Variants in DIAPH3 observed in about 807,000 individuals in gnomAD.
The protein encoded by DIAPH3 is protein diaphanous homolog 3.
A neutral mutation model predicts 144.3 loss-of-function variants in DIAPH3; 117 were observed. The ratio of observed to expected loss-of-function variants is 0.81; its 90% CI spans 0.70 to 0.95. The LOEUF is 0.95. Among genes scored for constraint, DIAPH3 ranks in the 40% least tolerant of loss-of-function variants. DIAPH3 has a pLI of 0.00. For synonymous variants in DIAPH3, 519 were observed against 488.9 expected (o/e 1.06, Z -0.81); for missense variants, 1,421 against 1,412.7 (o/e 1.01, Z -0.09).
intron 7 of DIAPH3, among the ~76,000 whole-genome samples, chr13:60,014,697 C>T (rs2053509793): frequency 6.6e-6 from 1 of 151,932 alleles, no homozygotes; most frequent in Admixed American, 6.6e-5. Flanking sequence ...TAAAATTAAT[C>T]AGAAATATAC....
intron 27 of DIAPH3, among the ~76,000 whole-genome samples, chr13:59,712,241 C>CTG (rs1487213498): frequency 6.6e-6 from 1 of 152,202 alleles, no homozygotes. Flanking sequence ...TGGCAATATC[C>CTG]TGAACAACCT....
chr13:59,974,532 C>T, intron 14 of DIAPH3, 76 bp from the exon 15 acceptor site: 1 of 1,186,632 alleles, frequency 8.4e-7, no homozygotes, highest in Non-Finnish European at 1.2e-6. Flanking sequence ...AGAAATGTGA[C>T]TCGAATGATC....
At chr13:59,908,147 G>A (rs1375125094) in intron 20 of DIAPH3, among the ~76,000 whole-genome samples, 2 of 151,934 alleles carry the variant, frequency 1.3e-5, no homozygotes, top group Non-Finnish European at 2.9e-5. Context: ...GAGGTGGGCA[G>A]ATCACAAGGT....
At chr13:59,729,945 T>C (rs1167489791) in intron 27 of DIAPH3, among the ~76,000 whole-genome samples, 1 of 151,684 alleles carries the variant, frequency 6.6e-6, no homozygotes, top group Non-Finnish European at 1.5e-5. Flanking sequence ...TTGAAATTTA[T>C]ACAAAATACT....
At chr13:60,016,313 G>A (rs2053644716) in intron 5 of DIAPH3, among the ~76,000 whole-genome samples, 168 bp from the exon 6 acceptor site, 1 of 152,158 alleles carries the variant, frequency 6.6e-6, no homozygotes, top group South Asian at 2.1e-4. Context: ...TGTGAAAGAA[G>A]CAAAGATGGA....
At chr13:59,984,461 C>T (rs1242355205) in intron 12 of DIAPH3, among the ~76,000 whole-genome samples, 3 of 151,670 alleles carry the variant, frequency 2.0e-5, no homozygotes, top group Non-Finnish European at 4.4e-5. Context: ...TTAACTAAAA[C>T]CTCCAAGTAG....
At chr13:59,808,912 T>C (rs1240253989) in intron 25 of DIAPH3, among the ~76,000 whole-genome samples, 1 of 152,198 alleles carries the variant, frequency 6.6e-6, no homozygotes, top group East Asian at 1.9e-4. Flanking sequence ...GTAACAGCCT[T>C]TTGATCTACT....
intron 3 of DIAPH3, among the ~76,000 whole-genome samples, chr13:60,099,653 G>A (rs2058208100): frequency 6.6e-6 from 1 of 152,012 alleles, no homozygotes; most frequent in Admixed American, 6.6e-5. Flanking sequence ...TATATGTTGG[G>A]GACCACTCTC....
chr13:59,948,292 C>T (rs1271778164), intron 17 of DIAPH3, among the ~76,000 whole-genome samples: 3 of 152,172 alleles, frequency 2.0e-5, no homozygotes, highest in African/African-American at 7.2e-5. Context: ...AATTCTTTGA[C>T]TCTGTAGAAT....
chr13:60,150,178 C>T lies in DIAPH3; in HGVS notation c.180+13409G>A, dbSNP rs117334740. ...CTGGGACTTCAGAAATGCACCACCA[C>T]GCCAGGCTAACGTTTTTGTATTTTT... On this transcript the variant is annotated intron_variant, in intron 1 of 27. Transcript: ENST00000400324. 1.7e-3 allele frequency among the ~76,000 whole-genome samples: 259 copies of T among 152,192 alleles called. 2 individuals carry two copies. Among genetic ancestry groups the T allele is most frequent in the Non-Finnish European group, 3.0e-3 (202 of 68,002 alleles).
intron 20 of DIAPH3, among the ~76,000 whole-genome samples, chr13:59,901,551 CATT>C (rs1207261929): frequency 6.6e-6 from 1 of 152,160 alleles, no homozygotes; most frequent in Non-Finnish European, 1.5e-5. Flanking sequence ...TCTGATATTA[CATT>C]ATTATTTATG....
intron 25 of DIAPH3, among the ~76,000 whole-genome samples, chr13:59,800,130 A>C (rs910516116): frequency 3.3e-5 from 5 of 152,210 alleles, no homozygotes; most frequent in Admixed American, 3.3e-4. Flanking sequence ...GCGTGTGTAC[A>C]CGTACACATG....
At chr13:59,859,969 A>G (rs1305545266) in intron 22 of DIAPH3, among the ~76,000 whole-genome samples, 1 of 152,198 alleles carries the variant, frequency 6.6e-6, no homozygotes, top group Non-Finnish European at 1.5e-5. Flanking sequence ...TAATTCAATA[A>G]TTCATTGGAA....
At chr13:59,855,192 C>T (rs1166391763) in intron 22 of DIAPH3, among the ~76,000 whole-genome samples, 1 of 152,142 alleles carries the variant, frequency 6.6e-6, no homozygotes, top group Non-Finnish European at 1.5e-5. Flanking sequence ...TTCATGCCAA[C>T]TCTATACAGA....
chr13:59,968,818 G>C (rs1156867715), intron 17 of DIAPH3, among the ~76,000 whole-genome samples: 1 of 152,142 alleles, frequency 6.6e-6, no homozygotes, highest in East Asian at 1.9e-4. Flanking sequence ...TTCTTTGGCT[G>C]CTGTGCTCAA....
At position 59,905,342 on chromosome 13, in the gene DIAPH3, C is replaced by CAA. The variant is rs59114311; in HGVS notation, c.2367+6391_2367+6392dup. On this transcript the variant is annotated intron_variant, in intron 20 of 27. Transcript: ENST00000400324. ...TGGGCGACAGAGCGAGACTCTGTCT[C>CAA]AAAAAAAAAAAAAAAAAAAAAAAAA... 7.6e-4 allele frequency among the ~76,000 whole-genome samples: 53 copies of CAA among 69,750 alleles called. 3 individuals are homozygous for CAA. The highest frequency in any genetic ancestry group is 2.9e-3 in the African/African-American group (39 of 13,324). The allele number at this position is 69,750 out of a possible 152,430, so 45.8% of individuals were successfully genotyped here.
intron 25 of DIAPH3, among the ~76,000 whole-genome samples, chr13:59,794,603 A>T (rs570836910): frequency 6.6e-6 from 1 of 152,254 alleles, no homozygotes; most frequent in African/African-American, 2.4e-5. Context: ...TTTTTCTTCA[A>T]TGCCACATCC....
Position 59,666,508 on chromosome 13 carries a change from C to G in DIAPH3, c.*76G>C, listed in dbSNP as rs970447525. The G allele has an allele frequency of 1.3e-6, 2 of 1,555,494 alleles. No homozygotes were observed. The highest frequency in any genetic ancestry group is 1.9e-5 in the Admixed American group (1 of 51,392). On this transcript the variant is annotated 3_prime_UTR_variant, in exon 28 of 28. Coordinates refer to ENST00000400324, the MANE Select transcript of DIAPH3 (RefSeq NM_001042517.2). The stretch of plus-strand genomic sequence containing the variant: ...CTATATAAAGTCACTTACATAAAAG[C>G]AATTTTTTCAAGTGTTATAGTTTAG...
chr13:60,159,171 C>T (rs900809902), intron 1 of DIAPH3, among the ~76,000 whole-genome samples: 1 of 152,134 alleles, frequency 6.6e-6, no homozygotes, highest in African/African-American at 2.4e-5. Context: ...TATCTTCTCA[C>T]CTCGCAGCCT....
Sources: gnomAD v4.1 joint callset for allele counts (sites outside exome capture counted in the v4.1 genomes callset) on GRCh38, gnomAD v4.1.1 for gene constraint, MANE v1.5 for transcripts, NCBI Gene and HGNC (gene_info 2026-07-23, HGNC 2026-07-21) for gene names.